Variants in ITPR1 observed in about 807,000 individuals in gnomAD.
ITPR1 encodes the protein inositol 1,4,5-trisphosphate receptor type 1.
A neutral mutation model predicts 318.4 loss-of-function variants in ITPR1; 96 were observed. The ratio of observed to expected loss-of-function variants is 0.30; its 90% confidence interval spans 0.26 to 0.36. The LOEUF (loss-of-function observed/expected upper bound fraction) is 0.36. ITPR1 is among the 10% of genes least tolerant of loss of function. The pLI is 1.00. For missense variants in ITPR1, 2,440 were observed against 3,460.2 expected (o/e 0.71, Z 7.40); for synonymous variants, 1,312 against 1,289.9 (o/e 1.02, Z -0.37).
chr3:4,618,664 G>A (rs999685167), intron 4 of ITPR1, among the ~76,000 whole-genome samples: 3 of 152,134 alleles, frequency 2.0e-5, no homozygotes, highest in Admixed American at 2.0e-4. Context: ...TCCTCAGCAT[G>A]TTTTCCATGT....
At chr3:4,558,161 T>C (rs1311925481) in intron 4 of ITPR1, among the ~76,000 whole-genome samples, 2 of 152,136 alleles carry the variant, frequency 1.3e-5, no homozygotes, top group Non-Finnish European at 2.9e-5. Flanking sequence ...GTTTAACATA[T>C]CTAAGATGTA....
intron 44 of ITPR1, among the ~76,000 whole-genome samples, chr3:4,754,923 G>A (rs1295196591): frequency 6.6e-6 from 1 of 152,236 alleles, no homozygotes; most frequent in Non-Finnish European, 1.5e-5. Flanking sequence ...TTGGCTGGAA[G>A]AGACAGACGG....
chr3:4,607,440 A>G (rs2091780095), intron 4 of ITPR1, among the ~76,000 whole-genome samples: 1 of 152,148 alleles, frequency 6.6e-6, no homozygotes, highest in Admixed American at 6.5e-5. Flanking sequence ...GTGTGTTTTA[A>G]TAAAGTCCCC....
intron 4 of ITPR1, among the ~76,000 whole-genome samples, chr3:4,617,830 CA>C (rs34216867): frequency 0.4 from 56,545 of 141,284 alleles, 10,792 homozygotes; most frequent in Middle Eastern, 0.56. Flanking sequence ...TTAAAAAATG[CA>C]AAAAAAAAAA....
Position 4,800,544 on chromosome 3 carries a change from C to T in ITPR1, c.7051C>T (p.Arg2351Ter), listed in dbSNP as rs765004428. Residue 2351 changes from arginine to a stop codon, truncating the protein, a stop_gained, in exon 54 of 62, where the codon CGA becomes TGA. Transcript: ENST00000649015. LOFTEE classifies it high-confidence loss of function. Reference sequence around the variant, plus strand: ...GGCCTTAATTGCCTCCACAATTCTACGACTGATATTTTCAGTCGGGTTACA... The same window carrying T: ...GGCCTTAATTGCCTCCACAATTCTATGACTGATATTTTCAGTCGGGTTACA... ...IRALIASTIL[R>*]LIFSVGLQPT... 7 of 1,614,036 alleles carry T rather than the reference C, an allele frequency of 4.3e-6. No homozygotes were observed. Among genetic ancestry groups the T allele is most frequent in the Admixed American group, 3.3e-5 (2 of 60,022 alleles).
chr3:4,676,937 C>A, intron 24 of ITPR1, 136 bp downstream of exon 24: 1 of 637,968 alleles, frequency 1.6e-6, no homozygotes, highest in Non-Finnish European at 2.7e-6. Flanking sequence ...CCCTCCGTGT[C>A]ATTTATGAGC....
At chr3:4,714,680 A>C (rs1371014658) in intron 39 of ITPR1, among the ~76,000 whole-genome samples, 1 of 152,198 alleles carries the variant, frequency 6.6e-6, no homozygotes, top group Non-Finnish European at 1.5e-5. Context: ...TCTAAGCGAT[A>C]ATCCTTAAAG....
Position 4,670,789 on chromosome 3 carries a change from G to C in ITPR1, c.2067G>C (p.Glu689Asp), listed in dbSNP as rs1055421308. 1 of 1,608,046 alleles carries C rather than the reference G, an allele frequency of 6.2e-7. No individual in the cohort carries two copies. The highest frequency in any genetic ancestry group is 8.5e-7 in the Non-Finnish European group (1 of 1,177,086). The change falls in exon 20 of 62, where the codon GAG becomes GAC. Residue 689 changes from glutamate to aspartate, a missense_variant. By Grantham distance (45) the Glu-to-Asp change is conservative. Transcript: ENST00000649015. ...CTTCCACTGGAGAGAATGCTCTGGA[G>C]GCAGGAGAAGACGAGGAAGAGGTGT... ...GVSSTGENAL[E>D]AGEDEEEVWL...
chr3:4,682,923 G>A (rs1301954454), intron 26 of ITPR1, among the ~76,000 whole-genome samples: 1 of 152,160 alleles, frequency 6.6e-6, no homozygotes, highest in Admixed American at 6.5e-5. Context: ...GCATGGTAGT[G>A]CATTCCTATA....
intron 4 of ITPR1, among the ~76,000 whole-genome samples, chr3:4,597,471 A>G (rs1046887163): frequency 6.6e-5 from 10 of 152,222 alleles, no homozygotes; most frequent in Admixed American, 2.0e-4. Context: ...GAAATGACAC[A>G]GTAATCCGAG....
At chr3:4,615,390 T>A (rs1039023491) in intron 4 of ITPR1, among the ~76,000 whole-genome samples, 4 of 151,086 alleles carry the variant, frequency 2.6e-5, no homozygotes, top group Admixed American at 1.3e-4. Context: ...TTTTTTTTTT[T>A]TTTGAGATGG....
intron 44 of ITPR1, among the ~76,000 whole-genome samples, chr3:4,764,729 G>T (rs2045693960): frequency 6.6e-6 from 1 of 152,216 alleles, no homozygotes; most frequent in African/African-American, 2.4e-5. Context: ...TTGAGCGTCT[G>T]CCACAGCTTT....
At chr3:4,625,792 C>T (rs2092807391) in intron 4 of ITPR1, among the ~76,000 whole-genome samples, 2 of 152,190 alleles carry the variant, frequency 1.3e-5, no homozygotes, top group African/African-American at 4.8e-5. Context: ...CTCCTGACCT[C>T]ATGATCCACC....
At chr3:4,807,104 A>G (rs1411095163) in intron 55 of ITPR1, among the ~76,000 whole-genome samples, 4 of 18,448 alleles carry the variant, frequency 2.2e-4, no homozygotes, top group Non-Finnish European at 4.5e-4. Flanking sequence ...TTACAAAGAG[A>G]GGGGGGCTTA....
chr3:4,806,322 A>G (rs2048549441), intron 55 of ITPR1, 55 bp downstream of exon 55: 3 of 1,496,402 alleles, frequency 2.0e-6, no homozygotes, highest in Non-Finnish European at 2.8e-6. Context: ...AGAGTGTCCT[A>G]TGTCCTCTCT....
At chr3:4,621,226 C>A (rs534233422) in intron 4 of ITPR1, among the ~76,000 whole-genome samples, 1 of 152,080 alleles carries the variant, frequency 6.6e-6, no homozygotes, top group Admixed American at 6.5e-5. Context: ...ACAGGAAGCA[C>A]GATGCTGGCA....
At chr3:4,499,875 AGTCTTC>A (rs1418300125) in intron 2 of ITPR1, among the ~76,000 whole-genome samples, 1 of 152,172 alleles carries the variant, frequency 6.6e-6, no homozygotes, top group Non-Finnish European at 1.5e-5. Flanking sequence ...GGTCTCAAGC[AGTCTTC>A]CTGTGCCAGC....
intron 4 of ITPR1, among the ~76,000 whole-genome samples, chr3:4,586,866 C>G (rs1331711865): frequency 1.3e-5 from 2 of 152,002 alleles, no homozygotes; most frequent in Non-Finnish European, 2.9e-5. Flanking sequence ...GCTATGCTCT[C>G]TTTTAAACTT....
chr3:4,685,633 G>A (rs894658181), intron 30 of ITPR1, among the ~76,000 whole-genome samples: 1 of 152,200 alleles, frequency 6.6e-6, no homozygotes, highest in Non-Finnish European at 1.5e-5. Context: ...TCAGTAAGAC[G>A]CTGACATCTG....
Sources: gnomAD v4.1 joint callset for allele counts (sites outside exome capture counted in the v4.1 genomes callset) on GRCh38, gnomAD v4.1.1 for gene constraint, MANE v1.5 for transcripts, NCBI Gene and HGNC (gene_info 2026-07-23, HGNC 2026-07-21) for gene names.